Variants in ZNF732 observed in about 807,000 individuals in gnomAD.
ZNF732 encodes the protein zinc finger protein 732.
A neutral mutation model predicts 11.5 loss-of-function variants in ZNF732; 12 were observed. The observed-to-expected ratio is 1.05, with a 90% confidence interval of 0.67 to 1.70. The LOEUF (loss-of-function observed/expected upper bound fraction) is 1.70, where lower values mean the gene tolerates loss of function less well. ZNF732 is among the 40% of genes most tolerant of loss of function. The pLI, the probability that ZNF732 is intolerant of heterozygous loss-of-function variation, is 0.00. For synonymous variants in ZNF732, 231 were observed against 236.5 expected (o/e 0.98, Z 0.21); for missense variants, 702 against 676.9 (o/e 1.04, Z -0.41).
At chr4:278,745 C>G (rs1458155221) in intron 3 of ZNF732, among the ~76,000 whole-genome samples, 1 of 152,208 alleles carries the variant, frequency 6.6e-6, no homozygotes, top group Non-Finnish European at 1.5e-5. Context: ...GCCGAAGCTA[C>G]ATGAGACCTC....
rs61792065 is a variant in ZNF732, at chr4:271,566, T to C, written c.1291A>G (p.Thr431Ala). Residue 431 changes from threonine to alanine, a missense_variant, in exon 4 of 4, where the codon ACA becomes GCA. Physicochemically the swap from Thr to Ala is moderately conservative, Grantham distance 58 (BLOSUM62 0). This residue lies in a region of ZNF732 where 596 missense variants were observed against 557.9 expected (regional missense o/e 1.07). Coordinates refer to ENST00000419098, the MANE Select transcript of ZNF732 (RefSeq NM_001137608.3). The part of the protein sequence containing the change: ...EECGKAFGWS[T>A]DLNKHKIIHT... ...ATTATCTTATGTTTATTCAGGTCTGTGGACCATCCAAAGGCTTTGCCACAC... is the reference window on the plus strand; with the variant it reads ...ATTATCTTATGTTTATTCAGGTCTGCGGACCATCCAAAGGCTTTGCCACAC... The C allele has an allele frequency of 5.3e-5, 85 of 1,611,584 alleles. No individual in the cohort carries two copies. The highest frequency in any genetic ancestry group is 1.7e-4 in the Middle Eastern group (1 of 6,012).
At chr4:274,233 T>C (rs1380478652) in intron 3 of ZNF732, among the ~76,000 whole-genome samples, 1 of 151,750 alleles carries the variant, frequency 6.6e-6, no homozygotes, top group Non-Finnish European at 1.5e-5. Context: ...ACAATATGAT[T>C]ACTGACATCA....
intron 3 of ZNF732, among the ~76,000 whole-genome samples, chr4:277,778 C>CCA (rs376501527): frequency 2.0e-5 from 3 of 151,770 alleles, no homozygotes; most frequent in South Asian, 4.2e-4. Context: ...CCATGAACTA[C>CCA]CACACACACA....
rs552171609 is a variant in ZNF732 at position 276,377 on chromosome 4, A to T, written c.227-3747T>A. 2.0e-5 allele frequency among the ~76,000 whole-genome samples: 3 copies of T among 152,002 alleles called. No individual in the cohort carries two copies. The South Asian group carries it at 6.2e-4, about 31-fold the overall frequency. On this transcript the variant is annotated intron_variant, in intron 3 of 3. Coordinates refer to ENST00000419098, the MANE Select transcript of ZNF732 (RefSeq NM_001137608.3). The stretch of plus-strand genomic sequence containing the variant: ...CTGTCATAGACAATAATAATACTAA[A>T]TAAAAGCATCCTTGTTGTGTTCCAG...
chr4:271,714 C>T lies in ZNF732; in HGVS notation c.1143G>A (p.Lys381=). The change falls in exon 4 of 4, where the codon AAG becomes AAA. Residue 381 remains lysine, a synonymous_variant. Coordinates refer to ENST00000419098, the MANE Select transcript of ZNF732 (RefSeq NM_001137608.3). ...FRQSATLNKH[K]SIHTGEKPYT... is the part of the protein sequence containing the mutation. Reference sequence around the variant, plus strand: ...AGGGTTTCTCTCCAGTATGAATACTCTTATGTTTATTAAGGGTTGCGGATT... The same window carrying T: ...AGGGTTTCTCTCCAGTATGAATACTTTTATGTTTATTAAGGGTTGCGGATT... The T allele has an allele frequency of 1.9e-6, 3 of 1,611,672 alleles. No individual in the cohort carries two copies. Among genetic ancestry groups the T allele is most frequent in the Non-Finnish European group, 2.5e-6 (3 of 1,178,916 alleles).
At chr4:292,890 C>CAAAAAAAAAAAAAAAAAAAAAAAAAAAA (rs34118991) in intron 3 of ZNF732, among the ~76,000 whole-genome samples, 1 of 79,410 alleles carries the variant, frequency 1.3e-5, no homozygotes, top group Non-Finnish European at 2.6e-5. Context: ...ACTAAAAACA[C>CAAAAAAAAAAAAAAAAAAAAAAAAAAAA]AAAAAAAAAA....
In ZNF732 at chr4:279,383, T is replaced by C. The variant is rs552721200; in HGVS notation, c.227-6753A>G. Among the ~76,000 whole-genome samples, 103 of 151,926 alleles carry C rather than the reference T, an allele frequency of 6.8e-4. 1 individual carries two copies. Among genetic ancestry groups the C allele is most frequent in the Middle Eastern group, 6.8e-3 (2 of 294 alleles). On this transcript the variant is annotated intron_variant, in intron 3 of 3. Transcript: ENST00000419098. ...ATGGCGTGAACCCGGGAGGCAGAGC[T>C]TGCAGTGAGCCAATATCACGCCACT... is the stretch of plus-strand genomic sequence containing the variant.
intron 3 of ZNF732, among the ~76,000 whole-genome samples, chr4:276,294 T>C (rs376518264): frequency 6.6e-6 from 1 of 151,872 alleles, no homozygotes; most frequent in Non-Finnish European, 1.5e-5. Flanking sequence ...GAAATAGATA[T>C]ATCACTGATC....
intron 3 of ZNF732, among the ~76,000 whole-genome samples, chr4:279,163 G>C (rs553371156): frequency 7.2e-5 from 11 of 152,080 alleles, no homozygotes; most frequent in African/African-American, 2.4e-4. Context: ...TGGGGGCCGG[G>C]TGCAGTGGCT....
intron 1 of ZNF732, among the ~76,000 whole-genome samples, chr4:297,183 A>C (rs1719971514): frequency 6.6e-6 from 1 of 151,824 alleles, no homozygotes; most frequent in Non-Finnish European, 1.5e-5. Flanking sequence ...CAGAAAAGTC[A>C]CTTGAATCCG....
intron 3 of ZNF732, 138 bp from the exon 4 acceptor site, chr4:272,768 C>T (rs1455345279): frequency 2.4e-6 from 2 of 845,384 alleles, no homozygotes; most frequent in Non-Finnish European, 3.4e-6. Flanking sequence ...TCTTCACAGA[C>T]ATATATATGT....
chr4:296,240 C>T (rs1227573666), intron 1 of ZNF732, 85 bp from the exon 2 acceptor site: 1 of 1,524,340 alleles, frequency 6.6e-7, no homozygotes, highest in African/African-American at 1.4e-5. Flanking sequence ...TGACATGTGA[C>T]TGACTGAGAT....
intron 3 of ZNF732, among the ~76,000 whole-genome samples, chr4:289,913 A>T (rs1719805720): frequency 6.6e-6 from 1 of 152,222 alleles, no homozygotes; most frequent in Non-Finnish European, 1.5e-5. Flanking sequence ...TCCAAGCCAT[A>T]TTATTTACAA....
chr4:272,675 G>C, intron 3 of ZNF732, 45 bp from the exon 4 acceptor site: 1 of 1,411,376 alleles, frequency 7.1e-7, no homozygotes, highest in African/African-American at 1.4e-5. Context: ...AGATTCATAC[G>C]AATATACTTT....
At chr4:284,147 G>A (rs962482519) in intron 3 of ZNF732, among the ~76,000 whole-genome samples, 4 of 151,956 alleles carry the variant, frequency 2.6e-5, no homozygotes, top group African/African-American at 4.8e-5. Flanking sequence ...TCCTGACCTC[G>A]TGATCCACCC....
In ZNF732 at chr4:271,920, T is replaced by G. The variant is rs543902053; in HGVS notation, c.937A>C (p.Lys313Gln). 5.5e-5 allele frequency: 89 copies of G among 1,611,546 alleles called. 1 individual carries two copies. In the South Asian group the frequency reaches 6.9e-4, roughly 13 times the overall value. ...AGGGTTGTGGACCTATTAAAGACTT[T>G]GCCACATTCCTGACATTTGTAGAGT... ...EKLYKCQECG[K>Q]VFNRSTTLTK... Residue 313 changes from lysine (K) to glutamine (Q), a missense_variant, in exon 4 of 4, where the codon AAA becomes CAA. Transcript: ENST00000419098.
chr4:271,114 A>G lies in ZNF732; in HGVS notation c.1743T>C (p.Thr581=). ...CTTCATATTTCTAGAGTTTCTCTCC[A>G]GTATAAATTTTATTATGTTGATTAA... ...SYLNQHNKIY[T]GEKL Residue 581 remains threonine (T), a synonymous_variant, in exon 4 of 4, where the codon ACT becomes ACC. Coordinates refer to ENST00000419098, the MANE Select transcript of ZNF732 (RefSeq NM_001137608.3). The G allele has an allele frequency of 6.6e-7, 1 of 1,514,792 alleles. No individual in the cohort carries two copies. The allele number at this position is 1,514,792 out of a possible 1,614,324, so 93.8% of individuals were successfully genotyped here.
intron 3 of ZNF732, among the ~76,000 whole-genome samples, chr4:279,624 A>G (rs575561180): frequency 1.3e-5 from 2 of 152,170 alleles, no homozygotes; most frequent in Non-Finnish European, 2.9e-5. Flanking sequence ...TAATCTAGAG[A>G]TCCATTTCAA....
At chr4:278,849 T>A (rs1719555394) in intron 3 of ZNF732, among the ~76,000 whole-genome samples, 1 of 152,254 alleles carries the variant, frequency 6.6e-6, no homozygotes, top group East Asian at 1.9e-4. Context: ...GTGAGTGTAG[T>A]GTCTGACTCT....
Sources: allele counts gnomAD v4.1 joint callset (sites outside exome capture counted in the v4.1 genomes callset), GRCh38; gene constraint gnomAD v4.1.1; regional missense constraint gnomAD v4.1.1; transcripts MANE v1.5; gene names NCBI Gene and HGNC (gene_info 2026-07-23, HGNC 2026-07-21).